Variants in PPEF1 observed in about 807,000 individuals in gnomAD.
PPEF1 encodes protein phosphatase with EF-hand domain 1.
A neutral mutation model predicts 53.3 loss-of-function variants in PPEF1; 12 were observed. The ratio of observed to expected loss-of-function variants is 0.23; its 90% CI spans 0.14 to 0.36. The LOEUF is 0.36. PPEF1 is among the 10% of genes least tolerant of loss of function. The pLI is 1.00. For missense variants in PPEF1, 334 were observed against 490.4 expected (o/e 0.68, Z 3.01); for synonymous variants, 165 against 176.7 (o/e 0.93, Z 0.52).
intron 1 of PPEF1, among the ~76,000 whole-genome samples, chrX:18,719,189 C>T (rs1285746422): frequency 9.0e-6 from 1 of 111,180 alleles, no homozygotes; most frequent in African/African-American, 3.3e-5. Flanking sequence ...GGAAAATTGG[C>T]AAAACATAAT....
intron 14 of PPEF1, among the ~76,000 whole-genome samples, chrX:18,824,485 C>A (rs1206811328): frequency 9.0e-6 from 1 of 110,858 alleles, no homozygotes; most frequent in African/African-American, 3.3e-5. Flanking sequence ...GATGGAGTGG[C>A]AGTCTTAGGA....
intron 15 of PPEF1, 109 bp from the exon 16 acceptor site, chrX:18,827,167 A>G: frequency 1.8e-6 from 1 of 563,980 alleles, no homozygotes; most frequent in Non-Finnish European, 2.9e-6. Flanking sequence ...ATGATTAGGC[A>G]GTTTAGTGAG....
intron 3 of PPEF1, among the ~76,000 whole-genome samples, chrX:18,734,761 C>T (rs188502260): frequency 0.018 from 2,043 of 111,440 alleles, 45 homozygotes; most frequent in African/African-American, 0.063. Context: ...TAAAACTGTT[C>T]CTATTTCTCC....
intron 10 of PPEF1, among the ~76,000 whole-genome samples, chrX:18,801,800 C>G (rs151135686): frequency 9.1e-6 from 1 of 109,699 alleles, no homozygotes; most frequent in Non-Finnish European, 1.9e-5. Context: ...CTGGCCAACA[C>G]GGTAAAACCC....
chrX:18,694,944 T>C (rs1929630308), intron 4 of PPEF1, among the ~76,000 whole-genome samples: 1 of 112,168 alleles, frequency 8.9e-6, no homozygotes, highest in Admixed American at 9.5e-5. Flanking sequence ...ATGTTACTTG[T>C]TTATTGCTGT....
At chrX:18,768,012 A>C in intron 6 of PPEF1, among the ~76,000 whole-genome samples, 1 of 111,896 alleles carries the variant, frequency 8.9e-6, no homozygotes, top group Non-Finnish European at 1.9e-5. Flanking sequence ...ATTTGTCAAC[A>C]ACTGATTGAA....
At chrX:18,729,324 A>C (rs180924200) in intron 1 of PPEF1, among the ~76,000 whole-genome samples, 12 of 111,656 alleles carry the variant, frequency 1.1e-4, no homozygotes, top group African/African-American at 3.9e-4. Context: ...ACCCCTTCTT[A>C]TGTTAATTAG....
intron 6 of PPEF1, among the ~76,000 whole-genome samples, chrX:18,775,806 C>T (rs2045954747): frequency 8.9e-6 from 1 of 112,205 alleles, no homozygotes; most frequent in African/African-American, 3.2e-5. Flanking sequence ...AGTTTCTACT[C>T]CTGCATCGAG....
chrX:18,780,630 G>A (rs2046063769), intron 7 of PPEF1, among the ~76,000 whole-genome samples: 1 of 111,771 alleles, frequency 8.9e-6, no homozygotes, highest in African/African-American at 3.3e-5. Context: ...AGTAGTTGAA[G>A]GTTAAAGGGA....
rs189839510 is a variant in PPEF1, at chrX:18,766,149, G to A, written c.558+4573G>A. Among the ~76,000 whole-genome samples, 6 of 110,095 alleles carry A rather than the reference G, an allele frequency of 5.4e-5. No homozygotes were observed. The Middle Eastern group carries it at 0.014, about 258-fold the overall frequency. ...GTACTTAATGGTGTCTCAGACGGGA[G>A]AATGACACGTAGAGCTTGGGGGTGA... On this transcript the variant is annotated intron_variant, in intron 6 of 15. Coordinates refer to ENST00000470157, the MANE Select transcript of PPEF1 (RefSeq NM_001377996.1).
intron 12 of PPEF1, among the ~76,000 whole-genome samples, chrX:18,815,739 G>A (rs2046894546): frequency 9.1e-6 from 1 of 109,336 alleles, no homozygotes; most frequent in Non-Finnish European, 1.9e-5. Context: ...CTAAAAGTTT[G>A]ACAATTTAGT....
At chrX:18,723,095 C>T (rs1481737156) in intron 1 of PPEF1, among the ~76,000 whole-genome samples, 1 of 110,300 alleles carries the variant, frequency 9.1e-6, no homozygotes, top group Non-Finnish European at 1.9e-5. Context: ...AGCAATTGTC[C>T]TGCCTCAGCC....
At chrX:18,682,707 A>G (rs1274144322), upstream of PPEF1, among the ~76,000 whole-genome samples, 2 of 111,984 alleles carry the variant, frequency 1.8e-5, no homozygotes, top group Admixed American at 1.9e-4. Flanking sequence ...CTGTGTCTCA[A>G]ATGGATGAGC....
intron 4 of PPEF1, among the ~76,000 whole-genome samples, chrX:18,755,572 G>C (rs112837390): frequency 0.077 from 8,404 of 109,034 alleles, 911 homozygotes; most frequent in African/African-American, 0.27. Context: ...ATCCCCCCCA[G>C]CCCCCAAAAA....
intron 6 of PPEF1, among the ~76,000 whole-genome samples, chrX:18,776,986 C>G (rs896948312): frequency 8.9e-6 from 1 of 112,454 alleles, no homozygotes; most frequent in Non-Finnish European, 1.9e-5. Context: ...TAAAATGAGT[C>G]TCTTAATTTG....
chrX:18,713,420 CTTTT>C (rs55997147), intron 1 of PPEF1, among the ~76,000 whole-genome samples: 2 of 77,503 alleles, frequency 2.6e-5, no homozygotes, highest in East Asian at 4.3e-4. Flanking sequence ...CCTTAAAATT[CTTTT>C]TTTTTTTTTT....
chrX:18,740,436 G>A (rs1333169581), intron 3 of PPEF1, among the ~76,000 whole-genome samples: 2 of 104,314 alleles, frequency 1.9e-5, no homozygotes, highest in Admixed American at 1.0e-4. Context: ...TTGAGACAGA[G>A]TCTCGCTCTG....
upstream of PPEF1, among the ~76,000 whole-genome samples, chrX:18,675,627 G>A (rs73636686): frequency 5.0e-3 from 566 of 112,418 alleles, 4 homozygotes; most frequent in African/African-American, 0.018. Context: ...ACGTGTAGAC[G>A]GGGCCACCCG....
intron 3 of PPEF1, chrX:18,686,293 T>C (rs1357197963): frequency 9.0e-6 from 1 of 111,176 alleles, no homozygotes; most frequent in Non-Finnish European, 1.9e-5. Flanking sequence ...GCCTTTTGGT[T>C]GGCCCTTCCC....
Sources: allele counts gnomAD v4.1 joint callset (sites outside exome capture counted in the v4.1 genomes callset), GRCh38; gene constraint gnomAD v4.1.1; transcripts MANE v1.5; gene names NCBI Gene and HGNC (gene_info 2026-07-23, HGNC 2026-07-21).